The following ENOX1 variants were observed in gnomAD, a reference collection of about 807,000 sequenced individuals.
ENOX1 encodes candidate growth-related and time keeping constitutive hydroquinone (NADH) oxidase.
A neutral mutation model predicts 82.5 loss-of-function variants in ENOX1; 42 were observed. That is an observed-to-expected ratio of 0.51 (90% CI 0.40 to 0.66). The LOEUF (loss-of-function observed/expected upper bound fraction) is 0.66. Among genes scored for constraint, ENOX1 ranks in the 30% least tolerant of loss-of-function variants. ENOX1 has a pLI of 0.00. For missense variants in ENOX1, 608 were observed against 811.6 expected (o/e 0.75, Z 3.05); for synonymous variants, 271 against 282.2 (o/e 0.96, Z 0.40).
intron 2 of ENOX1, among the ~76,000 whole-genome samples, chr13:43,620,722 G>A (rs528033024): frequency 2.4e-4 from 37 of 152,172 alleles, no homozygotes; most frequent in Non-Finnish European, 4.6e-4. Flanking sequence ...TGTATTCTGC[G>A]GTTGTCGGAT....
At chr13:43,655,021 CCCTTT>C (rs2084365564) in intron 2 of ENOX1, among the ~76,000 whole-genome samples, 1 of 152,188 alleles carries the variant, frequency 6.6e-6, no homozygotes, top group Non-Finnish European at 1.5e-5. Context: ...CTCTGCTCCT[CCCTTT>C]CTTCACTCTG....
At chr13:43,419,918 C>T (rs961269614) in intron 3 of ENOX1, among the ~76,000 whole-genome samples, 2 of 152,086 alleles carry the variant, frequency 1.3e-5, no homozygotes, top group African/African-American at 4.8e-5. Context: ...TTGCAGTGAG[C>T]CAAGACCAAG....
intron 2 of ENOX1, among the ~76,000 whole-genome samples, chr13:43,527,579 A>G (rs2078041560): frequency 6.6e-6 from 1 of 152,138 alleles, no homozygotes. Flanking sequence ...AGCTAATTTC[A>G]GCTCAGCTGA....
At chr13:43,537,431 T>G (rs1007721061) in intron 2 of ENOX1, among the ~76,000 whole-genome samples, 1 of 152,180 alleles carries the variant, frequency 6.6e-6, no homozygotes, top group Non-Finnish European at 1.5e-5. Context: ...TCTCCAGAGC[T>G]ATTTGGGAGG....
At chr13:43,639,826 C>T (rs746044660) in intron 2 of ENOX1, among the ~76,000 whole-genome samples, 1 of 152,056 alleles carries the variant, frequency 6.6e-6, no homozygotes, top group Non-Finnish European at 1.5e-5. Context: ...GCCAGGAGTT[C>T]GAGATTATCC....
At chr13:43,479,308 T>G (rs2058417568) in intron 3 of ENOX1, among the ~76,000 whole-genome samples, 1 of 142,276 alleles carries the variant, frequency 7.0e-6, no homozygotes, top group African/African-American at 2.5e-5. Context: ...ACTATGGTGC[T>G]TGGTGAAAAG....
At chr13:43,563,599 C>G (rs1052500287) in intron 2 of ENOX1, among the ~76,000 whole-genome samples, 1 of 151,534 alleles carries the variant, frequency 6.6e-6, no homozygotes, top group Non-Finnish European at 1.5e-5. Context: ...GTTGGTTTTT[C>G]GAAAAGTTAA....
At chr13:43,737,085 C>T (rs1179421432) in intron 1 of ENOX1, among the ~76,000 whole-genome samples, 2 of 152,174 alleles carry the variant, frequency 1.3e-5, no homozygotes, top group Non-Finnish European at 2.9e-5. Context: ...ATATGTTTGC[C>T]ATTGCACCTT....
At chr13:43,466,767 G>A (rs2153642185) in intron 3 of ENOX1, among the ~76,000 whole-genome samples, 1 of 152,196 alleles carries the variant, frequency 6.6e-6, no homozygotes, top group Non-Finnish European at 1.5e-5. Flanking sequence ...CACACAAAAT[G>A]AAGTCTTGTA....
chr13:43,326,275 A>G (rs528803868), intron 10 of ENOX1, 144 bp downstream of exon 10: 2 of 682,684 alleles, frequency 2.9e-6, no homozygotes, highest in African/African-American at 3.6e-5. Flanking sequence ...AACAAATCTC[A>G]GCTGCATTTG....
At chr13:43,470,361 TATACGTATATATATACATATATATAC>T (rs2057991381) in intron 3 of ENOX1, among the ~76,000 whole-genome samples, 1 of 59,320 alleles carries the variant, frequency 1.7e-5, no homozygotes, top group Admixed American at 1.8e-4. Context: ...TATGTATATA[TATACGTATATATATACATATATATAC>T]GTATATATAT....
intron 3 of ENOX1, among the ~76,000 whole-genome samples, chr13:43,441,676 G>GGGTCTGCT (rs1566228341): frequency 6.7e-6 from 1 of 148,254 alleles, no homozygotes; most frequent in Non-Finnish European, 1.5e-5. Context: ...GCGGCACTGC[G>GGGTCTGCT]GGTCTGCTGG....
At chr13:43,673,250 A>G (rs1449014949) in intron 1 of ENOX1, among the ~76,000 whole-genome samples, 2 of 152,070 alleles carry the variant, frequency 1.3e-5, no homozygotes, top group Admixed American at 1.3e-4. Flanking sequence ...TGATCAAATC[A>G]TGCTTACAAA....
At chr13:43,290,419 A>G (rs2045934383) in intron 12 of ENOX1, among the ~76,000 whole-genome samples, 1 of 152,208 alleles carries the variant, frequency 6.6e-6, no homozygotes, top group Non-Finnish European at 1.5e-5. Context: ...AACTACAACC[A>G]TAAAAAAGAA....
At chr13:43,772,674 A>G (rs9525840) in intron 1 of ENOX1, among the ~76,000 whole-genome samples, 13,883 of 151,028 alleles carry the variant, frequency 0.092, 1,055 homozygotes, top group African/African-American at 0.2. Flanking sequence ...ACATGAACCC[A>G]GAAGGCAGAG....
chr13:43,472,588 C>T (rs555667579), intron 3 of ENOX1, among the ~76,000 whole-genome samples: 5 of 152,210 alleles, frequency 3.3e-5, no homozygotes, highest in African/African-American at 4.8e-5. Context: ...GCCTTGGAGA[C>T]GAAGCATAAA....
rs369575271 is a variant in ENOX1 at position 43,757,506 on chromosome 13, G to A, written c.-285+29146C>T. ...TCAGTCAGCCAACCACCAGACATGT[G>A]AGTGAGGACACCCTCAACCAGCCGG... On this transcript the variant is annotated intron_variant, in intron 1 of 16. Transcript: ENST00000690772. Among the ~76,000 whole-genome samples, 6 of 152,286 alleles carry A rather than the reference G, an allele frequency of 3.9e-5. No individual in the cohort carries two copies. The East Asian group carries it at 1.2e-3, about 29-fold the overall frequency.
At chr13:43,741,760 G>A (rs1949751472) in intron 1 of ENOX1, among the ~76,000 whole-genome samples, 1 of 152,142 alleles carries the variant, frequency 6.6e-6, no homozygotes, top group South Asian at 2.1e-4. Flanking sequence ...CAATTTATCT[G>A]TTTTTTGTTG....
At chr13:43,620,840 G>A (rs570190866) in intron 2 of ENOX1, among the ~76,000 whole-genome samples, 1 of 152,266 alleles carries the variant, frequency 6.6e-6, no homozygotes, top group South Asian at 2.1e-4. Flanking sequence ...TGCTGTCAGT[G>A]GAGTATTGAA....
Sources: allele counts gnomAD v4.1 joint callset (sites outside exome capture counted in the v4.1 genomes callset), GRCh38; gene constraint gnomAD v4.1.1; transcripts MANE v1.5; gene names NCBI Gene and HGNC (gene_info 2026-07-23, HGNC 2026-07-21).